Variants in CACNG3 observed in about 807,000 individuals in gnomAD.
The protein encoded by CACNG3 is voltage-dependent calcium channel gamma-3 subunit.
CACNG3 carries 3 observed loss-of-function variants against 28.5 expected under a neutral mutation model. The ratio of observed to expected loss-of-function variants is 0.11; its 90% CI spans 0.05 to 0.27. The LOEUF (loss-of-function observed/expected upper bound fraction) is 0.27, where lower values mean the gene tolerates loss of function less well. Ranked by LOEUF, CACNG3 falls within the 10% of genes least tolerant of loss-of-function variation. CACNG3 has a pLI of 1.00. For synonymous variants in CACNG3, 174 were observed against 162.2 expected, an observed-to-expected ratio of 1.07 and a Z score of -0.55; for missense variants, 236 against 414.4, an observed-to-expected ratio of 0.57 and a Z score of 3.74.
intron 2 of CACNG3, among the ~76,000 whole-genome samples, chr16:24,349,776 AC>A (rs1031257798): frequency 1.5e-4 from 22 of 151,396 alleles, no homozygotes; most frequent in African/African-American, 5.3e-4. Flanking sequence ...TCTTGTGTTG[AC>A]CCCCTATCTC....
chr16:24,331,289 C>T (rs1272340348), intron 1 of CACNG3, among the ~76,000 whole-genome samples: 1 of 152,192 alleles, frequency 6.6e-6, no homozygotes, highest in Admixed American at 6.5e-5. Context: ...GCCGATCAAG[C>T]AAAGAGCTCA....
At chr16:24,351,829 CTCTT>C (rs1567225456) in intron 2 of CACNG3, among the ~76,000 whole-genome samples, 1 of 122,374 alleles carries the variant, frequency 8.2e-6, no homozygotes, top group Non-Finnish European at 1.6e-5. Flanking sequence ...CTCTCTCTCT[CTCTT>C]TTTTTTTTTT....
chr16:24,353,271 G>A lies in CACNG3; in HGVS notation c.296-1562G>A. On this transcript the variant is annotated intron_variant, in intron 2 of 3. Transcript: ENST00000005284. Reference sequence around the variant, plus strand: ...ATTACAGGCTTGAGCCACCATGCCTGGCTAGGCCTCACATTTTTGTGTTGC... The same window carrying A: ...ATTACAGGCTTGAGCCACCATGCCTAGCTAGGCCTCACATTTTTGTGTTGC... Among the ~76,000 whole-genome samples, 2 of 152,218 alleles carry A rather than the reference G, an allele frequency of 1.3e-5. 1 individual carries two copies. Among genetic ancestry groups the A allele is most frequent in the Non-Finnish European group, 2.9e-5 (2 of 68,032 alleles).
At chr16:24,331,752 T>G (rs1239119683) in intron 1 of CACNG3, among the ~76,000 whole-genome samples, 1 of 152,188 alleles carries the variant, frequency 6.6e-6, no homozygotes, top group East Asian at 1.9e-4. Flanking sequence ...CCAGTTGCCC[T>G]GAGCTTGTCT....
chr16:24,344,156 G>T (rs1377085438), intron 1 of CACNG3, among the ~76,000 whole-genome samples: 1 of 152,166 alleles, frequency 6.6e-6, no homozygotes, highest in African/African-American at 2.4e-5. Context: ...ATGTGGCCAG[G>T]CGCAGTGGCT....
At chr16:24,328,069 G>A (rs1245657953) in intron 1 of CACNG3, among the ~76,000 whole-genome samples, 3 of 152,172 alleles carry the variant, frequency 2.0e-5, no homozygotes, top group South Asian at 2.1e-4. Context: ...TGGTGAGCAA[G>A]ACAGAGATGC....
chr16:24,303,612 C>T (rs1280398921), intron 1 of CACNG3, among the ~76,000 whole-genome samples: 1 of 151,864 alleles, frequency 6.6e-6, no homozygotes, highest in Non-Finnish European at 1.5e-5. Flanking sequence ...CTGCAGTTAC[C>T]TTGTTTCTGT....
At chr16:24,328,577 G>T (rs1285465275) in intron 1 of CACNG3, among the ~76,000 whole-genome samples, 2 of 151,496 alleles carry the variant, frequency 1.3e-5, no homozygotes, top group African/African-American at 4.9e-5. Flanking sequence ...TAGGAAATAA[G>T]AAGTCAGAAA....
In CACNG3 at chr16:24,312,932, A is replaced by G. The variant is rs977231456; in HGVS notation, c.212-33802A>G. Among the ~76,000 whole-genome samples, 655 of 95,606 alleles carry G rather than the reference A, an allele frequency of 6.9e-3. 7 individuals are homozygous for G. Among genetic ancestry groups the G allele is most frequent in the African/African-American group, 0.023 (625 of 26,740 alleles). The allele number at this position is 95,606 out of a possible 152,430, so 62.7% of individuals were successfully genotyped here. A position where few individuals can be genotyped will look rare whatever the true frequency, so the allele number is the denominator to read the frequency against. On this transcript the variant is annotated intron_variant, in intron 1 of 3. Transcript: ENST00000005284. ...GGAAGGAAGGAAGGAAGAAAGAAAGAAAGAAAGAAAGAAAGAAAGAAAGAG... is the reference window on the plus strand; with the variant it reads ...GGAAGGAAGGAAGGAAGAAAGAAAGGAAGAAAGAAAGAAAGAAAGAAAGAG...
intron 3 of CACNG3, among the ~76,000 whole-genome samples, chr16:24,356,202 G>A (rs11864762): frequency 1.9e-4 from 29 of 152,250 alleles, no homozygotes; most frequent in African/African-American, 7.0e-4. Flanking sequence ...AGACGGGGCT[G>A]GACTCTGGTG....
rs530378645 is a variant in CACNG3, at chr16:24,348,924, CAA to C, written c.295+2109_295+2110del. On this transcript the variant is annotated intron_variant, in intron 2 of 3. Transcript: ENST00000005284. ...TCAGAGAGGCCCATAGCTTTTCTGA[CAA>C]AGTATTTTTTTCTCGTCTGGGAAGA... 2.2e-4 allele frequency among the ~76,000 whole-genome samples: 34 copies of C among 152,332 alleles called. No individual in the cohort carries two copies. The South Asian group carries it at 6.8e-3, about 31-fold the overall frequency.
At chr16:24,331,733 C>T (rs1308907298) in intron 1 of CACNG3, among the ~76,000 whole-genome samples, 1 of 152,218 alleles carries the variant, frequency 6.6e-6, no homozygotes, top group African/African-American at 2.4e-5. Context: ...CCCCCTCACT[C>T]ATTCTGCTCC....
intron 1 of CACNG3, among the ~76,000 whole-genome samples, chr16:24,339,649 G>A (rs1899757497): frequency 6.6e-6 from 1 of 152,140 alleles, no homozygotes; most frequent in Admixed American, 6.5e-5. Flanking sequence ...GCCTCCCAAA[G>A]TGCTAGAATT....
chr16:24,275,084 G>T (rs1898736442), intron 1 of CACNG3, among the ~76,000 whole-genome samples: 1 of 152,030 alleles, frequency 6.6e-6, no homozygotes, highest in South Asian at 2.1e-4. Flanking sequence ...ATATGGCTGG[G>T]CAACGTGGTG....
intron 1 of CACNG3, among the ~76,000 whole-genome samples, chr16:24,285,941 T>C (rs543384759): frequency 2.3e-4 from 35 of 151,348 alleles, no homozygotes; most frequent in Non-Finnish European, 4.9e-4. Context: ...CCCACTAGGC[T>C]TAAGCAATCC....
chr16:24,322,347 C>G (rs1899474480), intron 1 of CACNG3, among the ~76,000 whole-genome samples: 1 of 152,120 alleles, frequency 6.6e-6, no homozygotes. Flanking sequence ...CAAAGGAACC[C>G]CGGCCACCCT....
chr16:24,267,319 G>T (rs1265987598), intron 1 of CACNG3, among the ~76,000 whole-genome samples: 3 of 152,046 alleles, frequency 2.0e-5, no homozygotes, highest in Non-Finnish European at 2.9e-5. Context: ...ACAGGGTCTT[G>T]CTCTATTGCC....
rs1486722844 is a variant in CACNG3 at position 24,362,397 on chromosome 16, G to A, written c.*534G>A. ...AAGCACTCATGTTATTAAAGGTTTTGCCTTGTCGTAACCAACCGAGCCGGG... is the reference window on the plus strand; with the variant it reads ...AAGCACTCATGTTATTAAAGGTTTTACCTTGTCGTAACCAACCGAGCCGGG... On this transcript the variant is annotated 3_prime_UTR_variant, in exon 4 of 4. Transcript: ENST00000005284. 1 of 152,866 alleles carries A rather than the reference G, an allele frequency of 6.5e-6. No individual in the cohort carries two copies. The highest frequency in any genetic ancestry group is 1.5e-5 in the Non-Finnish European group (1 of 68,228). The allele number at this position is 152,866 out of a possible 1,614,324, so 9.5% of individuals were successfully genotyped here.
chr16:24,347,900 T>C (rs986605416), intron 2 of CACNG3, among the ~76,000 whole-genome samples: 6 of 152,200 alleles, frequency 3.9e-5, no homozygotes, highest in Admixed American at 3.9e-4. Context: ...GAGATTATAA[T>C]GTCATCCATC....
Sources: allele counts gnomAD v4.1 joint callset (sites outside exome capture counted in the v4.1 genomes callset), GRCh38; gene constraint gnomAD v4.1.1; transcripts MANE v1.5; gene names NCBI Gene and HGNC (gene_info 2026-07-23, HGNC 2026-07-21).